The following PDE8B variants were observed in gnomAD, a reference collection of about 807,000 sequenced individuals.
The protein encoded by PDE8B is phosphodiesterase 8B.
Under a neutral mutation model 101.3 loss-of-function variants are expected in PDE8B, and 26 were observed. The observed-to-expected ratio is 0.26, with a 90% CI of 0.19 to 0.36. The LOEUF (loss-of-function observed/expected upper bound fraction) is 0.36. Among genes scored for constraint, PDE8B ranks in the 10% least tolerant of loss-of-function variants. The pLI is 1.00. For synonymous variants in PDE8B, 424 were observed against 429.3 expected (o/e 0.99, Z 0.15); for missense variants, 810 against 1,163.1 (o/e 0.70, Z 4.42).
At chr5:77,337,108 T>C in intron 5 of PDE8B, 119 bp from the exon 6 acceptor site, 1 of 684,610 alleles carries the variant, frequency 1.5e-6, no homozygotes, top group Admixed American at 2.1e-5. Flanking sequence ...TCATCTTACC[T>C]ACTAATTGTC....
the PDE8B span, among the ~76,000 whole-genome samples, chr5:77,182,550 G>C: frequency 6.6e-6 from 1 of 152,234 alleles, no homozygotes; most frequent in Admixed American, 6.5e-5. Context: ...TAACCCCTCA[G>C]TGGAAGACAG....
chr5:77,358,770 A>C (rs1013458713), intron 10 of PDE8B, among the ~76,000 whole-genome samples: 7 of 152,214 alleles, frequency 4.6e-5, no homozygotes, highest in African/African-American at 1.7e-4. Context: ...ACTGCAACTG[A>C]AAACATGACT....
At chr5:77,099,973 C>G in the PDE8B span, among the ~76,000 whole-genome samples, 1 of 152,310 alleles carries the variant, frequency 6.6e-6, no homozygotes, top group South Asian at 2.1e-4. Flanking sequence ...AGAAATGGCT[C>G]TTTTCCTATG....
At chr5:77,260,157 C>CAAAA (rs66923234) in intron 1 of PDE8B, among the ~76,000 whole-genome samples, 1 of 100,976 alleles carries the variant, frequency 9.9e-6, no homozygotes, top group African/African-American at 3.7e-5. Flanking sequence ...AACTCCATCA[C>CAAAA]AAAAAAAAAA....
chr5:77,303,048 T>C (rs997519390), intron 1 of PDE8B, among the ~76,000 whole-genome samples: 2 of 152,158 alleles, frequency 1.3e-5, no homozygotes, highest in African/African-American at 4.8e-5. Flanking sequence ...AATAAAGACT[T>C]TACTGGAAAA....
intron 2 of PDE8B, 45 bp downstream of exon 2, chr5:77,312,098 T>C: frequency 1.5e-6 from 2 of 1,291,034 alleles, no homozygotes; most frequent in South Asian, 2.4e-5. Context: ...TATTTTCTTT[T>C]TTTTTTCTTT....
chr5:77,398,056 C>T (rs1303747555), intron 10 of PDE8B, among the ~76,000 whole-genome samples: 2 of 151,814 alleles, frequency 1.3e-5, no homozygotes, highest in African/African-American at 4.8e-5. Context: ...TCTTTGATGC[C>T]GTCTGTTTTC....
the PDE8B span, among the ~76,000 whole-genome samples, chr5:77,197,912 T>C: frequency 6.6e-6 from 1 of 152,160 alleles, no homozygotes; most frequent in Non-Finnish European, 1.5e-5. Flanking sequence ...GGACAATAAT[T>C]ATAACAGTTG....
chr5:77,166,344 T>C, the PDE8B span, among the ~76,000 whole-genome samples: 2 of 151,460 alleles, frequency 1.3e-5, no homozygotes, highest in Non-Finnish European at 2.9e-5. Context: ...TTCGGTACCA[T>C]AATGGGATAC....
intron 7 of PDE8B, among the ~76,000 whole-genome samples, chr5:77,345,890 TC>T (rs1269132512): frequency 2.6e-5 from 4 of 152,056 alleles, no homozygotes; most frequent in African/African-American, 9.7e-5. Context: ...TGCCCTGAAA[TC>T]TCCCAGTGCA....
the PDE8B span, chr5:77,139,145 G>A: frequency 6.6e-6 from 1 of 152,222 alleles, no homozygotes; most frequent in Non-Finnish European, 1.5e-5. Flanking sequence ...AGAGGTCTTG[G>A]GTCACTGCCA....
the PDE8B span, among the ~76,000 whole-genome samples, chr5:77,117,187 G>A: frequency 6.6e-6 from 1 of 152,168 alleles, no homozygotes; most frequent in Non-Finnish European, 1.5e-5. Flanking sequence ...AGCAGAGGGG[G>A]CAAAAAGTTC....
chr5:77,343,200 T>C (rs898438854), intron 6 of PDE8B, among the ~76,000 whole-genome samples: 2 of 152,248 alleles, frequency 1.3e-5, no homozygotes, highest in Non-Finnish European at 2.9e-5. Context: ...AAGCATATTA[T>C]TAACCCTCTT....
intron 10 of PDE8B, among the ~76,000 whole-genome samples, chr5:77,378,009 TACACACACACACACACACACACACAC>T (rs3031820): frequency 2.5e-4 from 33 of 134,486 alleles, no homozygotes; most frequent in African/African-American, 6.5e-4. Context: ...CCTCTCTCTC[TACACACACACACACACACACACACAC>T]ACACACACAC....
At chr5:77,109,385 A>C in the PDE8B span, among the ~76,000 whole-genome samples, 1 of 152,382 alleles carries the variant, frequency 6.6e-6, no homozygotes, top group South Asian at 2.1e-4. Flanking sequence ...AAGGACAGCA[A>C]GACAGTTAAA....
Position 77,325,536 on chromosome 5 carries a change from C to T in PDE8B, c.400-3C>T. 1 of 1,613,458 alleles carries T rather than the reference C, an allele frequency of 6.2e-7. No individual in the cohort carries two copies. The highest frequency in any genetic ancestry group is 8.5e-7 in the Non-Finnish European group (1 of 1,179,492). Reference sequence around the variant, plus strand: ...TCAAGATGCCCTTTTTGTTGTGTTTCAGGTTTTGCTGATCTTTGCAAAGGA... The same window carrying T: ...TCAAGATGCCCTTTTTGTTGTGTTTTAGGTTTTGCTGATCTTTGCAAAGGA... On this transcript the variant is annotated splice_region_variant and splice_polypyrimidine_tract_variant and intron_variant, in intron 2 of 21. Transcript: ENST00000264917.
chr5:77,222,042 C>A (rs531581964), intron 1 of PDE8B, among the ~76,000 whole-genome samples: 1 of 152,132 alleles, frequency 6.6e-6, no homozygotes, highest in African/African-American at 2.4e-5. Flanking sequence ...TTCACAAGGC[C>A]CCCTTGCAGC....
At chr5:77,144,223 G>C in the PDE8B span, 2 of 152,372 alleles carry the variant, frequency 1.3e-5, no homozygotes, top group Non-Finnish European at 2.9e-5. Flanking sequence ...TGTCTCCAGG[G>C]GCTGTTGAGA....
the PDE8B span, among the ~76,000 whole-genome samples, chr5:77,183,364 C>T: frequency 3.3e-5 from 5 of 152,072 alleles, no homozygotes; most frequent in African/African-American, 4.8e-5. Flanking sequence ...ATGATCCACC[C>T]GCCTCGGCCT....
Sources: allele counts gnomAD v4.1 joint callset (sites outside exome capture counted in the v4.1 genomes callset), GRCh38; gene constraint gnomAD v4.1.1; transcripts MANE v1.5; gene names NCBI Gene and HGNC (gene_info 2026-07-23, HGNC 2026-07-21).